KIAA1671: variants seen among roughly 807,000 people sequenced by gnomAD.
KIAA1671 encodes KIAA1671.
A neutral mutation model predicts 131.2 loss-of-function variants in KIAA1671; 52 were observed. That is an observed-to-expected ratio of 0.40 (90% confidence interval 0.32 to 0.50). The LOEUF (loss-of-function observed/expected upper bound fraction) is 0.50. Ranked by LOEUF, KIAA1671 falls within the 20% of genes least tolerant of loss-of-function variation. The pLI, the probability that KIAA1671 is intolerant of heterozygous loss-of-function variation, is 0.73. For synonymous variants in KIAA1671, 1,003 were observed against 961.6 expected (o/e 1.04, Z -0.80); for missense variants, 2,360 against 2,364.2 (o/e 1.00, Z 0.04).
At chr22:25,045,177 T>A (rs1291372178) in intron 5 of KIAA1671, among the ~76,000 whole-genome samples, 3 of 101,930 alleles carry the variant, frequency 2.9e-5, no homozygotes, top group South Asian at 3.2e-4. Context: ...AAAAAAAAAT[T>A]TTGAAATACT....
rs1238310484 is a variant in KIAA1671 at position 25,043,109 on chromosome 22, G to C, written c.4395+1584G>C. ...GAAAGAGAAGAATGGATGGCAGGGTGGGGGGTGGGGAGGAAAGGAGGAAGG... is the reference window on the plus strand; with the variant it reads ...GAAAGAGAAGAATGGATGGCAGGGTCGGGGGTGGGGAGGAAAGGAGGAAGG... On this transcript the variant is annotated intron_variant, in intron 5 of 12. Transcript: ENST00000358431. Among the ~76,000 whole-genome samples the C allele has an allele frequency of 5.3e-5, 6 of 112,552 alleles. No homozygotes were observed. In the South Asian group the frequency reaches 1.4e-3, roughly 26 times the overall value. The allele number at this position is 112,552 out of a possible 152,430, so 73.8% of individuals were successfully genotyped here.
At chr22:24,964,199 C>T (rs1018471637) in intron 1 of KIAA1671, among the ~76,000 whole-genome samples, 3 of 150,748 alleles carry the variant, frequency 2.0e-5, no homozygotes, top group Admixed American at 2.0e-4. Context: ...CATGGTGGTG[C>T]ATGCCTATAG....
intron 9 of KIAA1671, among the ~76,000 whole-genome samples, chr22:25,179,848 A>G (rs1934203726): frequency 6.6e-6 from 1 of 152,118 alleles, no homozygotes; most frequent in Admixed American, 6.5e-5. Flanking sequence ...CAGTCCATAT[A>G]TTATCAATCT....
chr22:25,011,450 C>T (rs1368890065), intron 1 of KIAA1671: 1 of 150,326 alleles, frequency 6.7e-6, no homozygotes, highest in Admixed American at 6.6e-5. Context: ...CGTGCCTGGC[C>T]TAATCTTTGT....
intron 6 of KIAA1671, chr22:25,112,611 C>G (rs769826063): frequency 2.6e-6 from 1 of 389,734 alleles, no homozygotes; most frequent in Non-Finnish European, 4.5e-6. Context: ...TTCCTGTCCC[C>G]TGTACCTGGG....
At chr22:24,982,675 C>T (rs921706760) in intron 1 of KIAA1671, among the ~76,000 whole-genome samples, 3 of 152,194 alleles carry the variant, frequency 2.0e-5, no homozygotes, top group South Asian at 4.1e-4. Context: ...GCCCCAGAAC[C>T]TCAGGAGGAC....
intron 1 of KIAA1671, among the ~76,000 whole-genome samples, chr22:25,005,782 GT>G (rs569500981): frequency 1.3e-5 from 2 of 152,300 alleles, no homozygotes; most frequent in South Asian, 4.1e-4. Flanking sequence ...CATCAGCCCT[GT>G]GTCTTCTCTG....
intron 6 of KIAA1671, among the ~76,000 whole-genome samples, chr22:25,142,011 T>G (rs1932814140): frequency 6.6e-6 from 1 of 152,198 alleles, no homozygotes. Flanking sequence ...AGAGATGGGA[T>G]GGGGTGAATC....
chr22:25,164,391 C>T (rs1362878598), intron 6 of KIAA1671, among the ~76,000 whole-genome samples: 5 of 152,200 alleles, frequency 3.3e-5, no homozygotes, highest in Admixed American at 6.5e-5. Context: ...TCAGGGGGTC[C>T]GTCCAGGTGT....
At chr22:24,995,396 G>C (rs1238886183) in intron 1 of KIAA1671, among the ~76,000 whole-genome samples, 1 of 136,176 alleles carries the variant, frequency 7.3e-6, no homozygotes, top group East Asian at 2.2e-4. Flanking sequence ...TCTCACTCTC[G>C]CCCAGGCTGG....
intron 6 of KIAA1671, among the ~76,000 whole-genome samples, chr22:25,085,783 A>AAGGG (rs201721547): frequency 4.7e-5 from 5 of 107,428 alleles, no homozygotes; most frequent in South Asian, 3.8e-4. Context: ...GGAAGGGAGG[A>AAGGG]AGGGAGGGAG....
At chr22:25,190,034 A>G (rs774964099) in intron 11 of KIAA1671, among the ~76,000 whole-genome samples, 4 of 152,174 alleles carry the variant, frequency 2.6e-5, no homozygotes, top group Non-Finnish European at 5.9e-5. Flanking sequence ...TCCACAGACC[A>G]GGGGTATAGG....
chr22:25,034,502 T>C (rs1926481405), intron 4 of KIAA1671, among the ~76,000 whole-genome samples: 1 of 152,056 alleles, frequency 6.6e-6, no homozygotes, highest in South Asian at 2.1e-4. Context: ...AGTAATTATG[T>C]TGAGATCATT....
At chr22:25,162,113 G>T (rs1400092784) in intron 6 of KIAA1671, among the ~76,000 whole-genome samples, 1 of 152,164 alleles carries the variant, frequency 6.6e-6, no homozygotes, top group Non-Finnish European at 1.5e-5. Flanking sequence ...GTTCCTCATG[G>T]TTCCTACTTT....
chr22:24,958,626 G>C (rs991729899), intron 1 of KIAA1671, among the ~76,000 whole-genome samples: 1 of 149,712 alleles, frequency 6.7e-6, no homozygotes. Flanking sequence ...AATCCAGCCT[G>C]GGTGACAGAG....
chr22:25,109,865 C>G (rs1176107968), intron 6 of KIAA1671: 1 of 152,168 alleles, frequency 6.6e-6, no homozygotes, highest in Non-Finnish European at 1.5e-5. Context: ...TGCTTGTAAT[C>G]CCAGTACTTT....
chr22:25,038,683 C>G (rs1213074784), intron 4 of KIAA1671, 77 bp from the exon 5 acceptor site: 1 of 1,380,342 alleles, frequency 7.2e-7, no homozygotes, highest in African/African-American at 1.5e-5. Context: ...GCAGCCCTTT[C>G]AATTACTCCA....
intron 6 of KIAA1671, among the ~76,000 whole-genome samples, chr22:25,113,711 C>A (rs1463802886): frequency 6.6e-6 from 1 of 152,368 alleles, no homozygotes; most frequent in East Asian, 1.9e-4. Flanking sequence ...GTTCACAGGA[C>A]GTCTCCTTCA....
intron 6 of KIAA1671, chr22:25,062,431 A>AC (rs1035762676): frequency 3.7e-4 from 57 of 152,370 alleles, no homozygotes; most frequent in African/African-American, 1.4e-3. Context: ...GAAGCACTGT[A>AC]CCTATTAGCA....
Sources: allele counts gnomAD v4.1 joint callset (sites outside exome capture counted in the v4.1 genomes callset), GRCh38; gene constraint gnomAD v4.1.1; transcripts MANE v1.5; gene names NCBI Gene and HGNC (gene_info 2026-07-23, HGNC 2026-07-21).